The following PLD5 variants were observed in gnomAD, a reference collection of about 807,000 sequenced individuals.
PLD5 encodes inactive phospholipase D5.
A neutral mutation model predicts 61.1 loss-of-function variants in PLD5; 36 were observed. That is an observed-to-expected ratio of 0.59 (90% CI 0.45 to 0.78). The LOEUF (loss-of-function observed/expected upper bound fraction) is 0.78, where lower values mean the gene tolerates loss of function less well. Among genes scored for constraint, PLD5 ranks in the 30% least tolerant of loss-of-function variants. PLD5 has a pLI of 0.00. For missense variants in PLD5, 515 were observed against 644.4 expected (o/e 0.80, Z 2.17); for synonymous variants, 243 against 242.8 (o/e 1.00, Z -0.01).
At chr1:242,280,343 G>T (rs550811968) in intron 3 of PLD5, among the ~76,000 whole-genome samples, 40 of 152,216 alleles carry the variant, frequency 2.6e-4, no homozygotes, top group African/African-American at 8.9e-4. Context: ...AAAACCAAGC[G>T]CTGAGAACTA....
At chr1:242,356,448 C>G (rs1438982688) in intron 1 of PLD5, among the ~76,000 whole-genome samples, 1 of 151,842 alleles carries the variant, frequency 6.6e-6, no homozygotes, top group Non-Finnish European at 1.5e-5. Flanking sequence ...TGTTCAATCT[C>G]TGTGTTCTTT....
intron 1 of PLD5, among the ~76,000 whole-genome samples, chr1:242,365,031 A>C (rs1661267039): frequency 6.6e-6 from 1 of 152,154 alleles, no homozygotes; most frequent in African/African-American, 2.4e-5. Flanking sequence ...ACAGGACATC[A>C]CAGCAGATCC....
intron 1 of PLD5, among the ~76,000 whole-genome samples, chr1:242,494,070 A>ACTCCCCTCCCCTCCCCTCC (rs1366428773): frequency 3.3e-5 from 1 of 30,106 alleles, no homozygotes; most frequent in Non-Finnish European, 8.0e-5. Context: ...CCTTCCCTCC[A>ACTCCCCTCCCCTCCCCTCC]CTCCCCTCCC....
chr1:242,437,827 G>A lies in PLD5; in HGVS notation c.189+86261C>T, dbSNP rs569707406. 1.8e-4 allele frequency among the ~76,000 whole-genome samples: 28 copies of A among 152,250 alleles called. 1 individual carries two copies. In the South Asian group the frequency reaches 5.6e-3, roughly 30 times the overall value. ...AACTAGCTATGATTATAAACAAACT[G>A]AGGCACACAGAAGTTAAGAAACGGG... On this transcript the variant is annotated intron_variant, in intron 1 of 9. Transcript: ENST00000536534.
chr1:242,117,937 A>G (rs772316625), intron 6 of PLD5, among the ~76,000 whole-genome samples: 2 of 151,670 alleles, frequency 1.3e-5, no homozygotes, highest in African/African-American at 4.9e-5. Context: ...TTTGCTCCAG[A>G]TGGGTTCTCA....
chr1:242,265,871 G>T (rs1313713676), intron 3 of PLD5, among the ~76,000 whole-genome samples: 2 of 152,116 alleles, frequency 1.3e-5, no homozygotes, highest in Non-Finnish European at 2.9e-5. Flanking sequence ...TTCTTCCTCT[G>T]CAAAATGCAG....
intron 5 of PLD5, 78 bp downstream of exon 5, chr1:242,219,910 T>C (rs1670455283): frequency 1.3e-6 from 2 of 1,517,084 alleles, no homozygotes; most frequent in Non-Finnish European, 1.8e-6. Context: ...AGGATCCTTA[T>C]CTGCAGTAGC....
chr1:242,487,823 A>G (rs1304988370), intron 1 of PLD5, among the ~76,000 whole-genome samples: 1 of 134,028 alleles, frequency 7.5e-6, no homozygotes, highest in Non-Finnish European at 1.7e-5. Flanking sequence ...ATTAATTTAT[A>G]ATTCTCTATG....
At chr1:242,340,649 G>A (rs1356530623) in intron 2 of PLD5, among the ~76,000 whole-genome samples, 2 of 152,110 alleles carry the variant, frequency 1.3e-5, no homozygotes, top group South Asian at 4.1e-4. Context: ...CTTTACAGAA[G>A]CCTTTCACAC....
chr1:242,482,051 C>T (rs185482895), intron 1 of PLD5, among the ~76,000 whole-genome samples: 3 of 152,288 alleles, frequency 2.0e-5, no homozygotes, highest in Admixed American at 2.0e-4. Flanking sequence ...CAACAAAACC[C>T]CATCTGTATG....
chr1:242,287,219 G>C (rs1459553345), intron 3 of PLD5, among the ~76,000 whole-genome samples: 1 of 152,120 alleles, frequency 6.6e-6, no homozygotes. Flanking sequence ...GATATGTGAG[G>C]AAAGCCATCC....
chr1:242,271,020 T>C (rs774856956), intron 3 of PLD5, among the ~76,000 whole-genome samples: 10 of 152,038 alleles, frequency 6.6e-5, no homozygotes, highest in Non-Finnish European at 1.2e-4. Context: ...AAACACAATA[T>C]GTGCACTGAA....
chr1:242,354,063 A>C (rs974719492), intron 1 of PLD5, among the ~76,000 whole-genome samples: 3 of 151,972 alleles, frequency 2.0e-5, no homozygotes, highest in Admixed American at 6.6e-5. Context: ...GACCAGGAAG[A>C]CTTACTTCCT....
chr1:242,236,960 C>T (rs1467684840), intron 4 of PLD5, among the ~76,000 whole-genome samples: 1 of 152,076 alleles, frequency 6.6e-6, no homozygotes, highest in Admixed American at 6.6e-5. Context: ...AGCTTTAATT[C>T]CCCAATTAAA....
chr1:242,330,325 G>A (rs1324276438), intron 2 of PLD5, among the ~76,000 whole-genome samples: 2 of 152,294 alleles, frequency 1.3e-5, no homozygotes, highest in South Asian at 2.1e-4. Flanking sequence ...AATCTTGTTT[G>A]TGTCTCCTAT....
At chr1:242,451,963 A>C (rs1017660001) in intron 1 of PLD5, among the ~76,000 whole-genome samples, 1 of 152,134 alleles carries the variant, frequency 6.6e-6, no homozygotes, top group Admixed American at 6.5e-5. Context: ...TTTGCACACA[A>C]GACACTCCAT....
intron 1 of PLD5, among the ~76,000 whole-genome samples, chr1:242,478,664 G>A (rs1344512095): frequency 1.3e-5 from 2 of 152,198 alleles, no homozygotes; most frequent in Non-Finnish European, 1.5e-5. Flanking sequence ...TTGTTCATGG[G>A]AAATTTACTG....
chr1:242,189,445 C>CAAAAAA (rs58476673), intron 5 of PLD5, among the ~76,000 whole-genome samples: 2 of 70,442 alleles, frequency 2.8e-5, no homozygotes, highest in African/African-American at 4.5e-5. Flanking sequence ...GACTCCATCT[C>CAAAAAA]AAAAAAAAAA....
intron 7 of PLD5, among the ~76,000 whole-genome samples, chr1:242,108,300 T>C (rs897066726): frequency 6.6e-6 from 1 of 152,260 alleles, no homozygotes; most frequent in Middle Eastern, 3.4e-3. Context: ...TCCCCACACT[T>C]CCTTTTCCCG....
Sources: gnomAD v4.1 joint callset for allele counts (sites outside exome capture counted in the v4.1 genomes callset) on GRCh38, gnomAD v4.1.1 for gene constraint, MANE v1.5 for transcripts, NCBI Gene and HGNC (gene_info 2026-07-23, HGNC 2026-07-21) for gene names.